The following SLC24A3 variants were observed in gnomAD, a reference collection of about 807,000 sequenced individuals.
SLC24A3 encodes solute carrier family 24 member 3, also known as sodium/potassium/calcium exchanger 3.
Under a neutral mutation model 75.8 loss-of-function variants are expected in SLC24A3, and 28 were observed. That is an observed-to-expected ratio of 0.37 (90% CI 0.27 to 0.51). The LOEUF (loss-of-function observed/expected upper bound fraction) is 0.51, where lower values mean the gene tolerates loss of function less well. Among genes scored for constraint, SLC24A3 ranks in the 20% least tolerant of loss-of-function variants. The pLI is 0.94. For synonymous variants in SLC24A3, 372 were observed against 334.1 expected, an observed-to-expected ratio of 1.11 and a Z score of -1.24; for missense variants, 663 against 847.8, an observed-to-expected ratio of 0.78 and a Z score of 2.71.
chr20:19,675,628 T>G (rs1480224452), intron 9 of SLC24A3, among the ~76,000 whole-genome samples: 1 of 152,212 alleles, frequency 6.6e-6, no homozygotes, highest in Non-Finnish European at 1.5e-5. Flanking sequence ...AGGGCATTCC[T>G]AGAGTAGGAC....
chr20:19,340,958 A>G (rs1335655665), intron 2 of SLC24A3, among the ~76,000 whole-genome samples: 1 of 152,186 alleles, frequency 6.6e-6, no homozygotes, highest in Non-Finnish European at 1.5e-5. Flanking sequence ...GGAGGCAGTG[A>G]CTTGTACACA....
In SLC24A3 at chr20:19,439,599, C is replaced by T. The variant is rs77804917; in HGVS notation, c.272-75889C>T. ...CCACCAAAATGATTACTAATAATAG[C>T]CTGATTCACCAAAAACAAACCAAAA... On this transcript the variant is annotated intron_variant, in intron 2 of 16. Coordinates refer to ENST00000328041, the MANE Select transcript of SLC24A3 (RefSeq NM_020689.4). Among the ~76,000 whole-genome samples the T allele has an allele frequency of 5.8e-3, 887 of 152,258 alleles. 7 individuals carry two copies. Among genetic ancestry groups the T allele is most frequent in the African/African-American group, 0.02 (847 of 41,524 alleles).
intron 2 of SLC24A3, among the ~76,000 whole-genome samples, chr20:19,451,637 G>A (rs181660312): frequency 1.3e-5 from 2 of 152,346 alleles, no homozygotes; most frequent in Non-Finnish European, 1.5e-5. Flanking sequence ...TTTGAATGTT[G>A]GCTGCAAAGG....
intron 2 of SLC24A3, among the ~76,000 whole-genome samples, chr20:19,292,588 C>T (rs778113343): frequency 2.6e-5 from 4 of 152,012 alleles, no homozygotes; most frequent in South Asian, 2.1e-4. Flanking sequence ...AGAAAAATCA[C>T]GGATGATGGG....
chr20:19,356,280 C>T (rs537727777), intron 2 of SLC24A3, among the ~76,000 whole-genome samples: 6 of 152,344 alleles, frequency 3.9e-5, no homozygotes, highest in Admixed American at 3.3e-4. Flanking sequence ...TCACTGCACA[C>T]AGTTTCAATC....
At chr20:19,382,009 G>A (rs1291824425) in intron 2 of SLC24A3, among the ~76,000 whole-genome samples, 3 of 152,198 alleles carry the variant, frequency 2.0e-5, no homozygotes, top group Admixed American at 2.0e-4. Flanking sequence ...TGAAATGTCT[G>A]CTCTGAATTC....
chr20:19,668,336 A>G (rs867823330), intron 8 of SLC24A3, among the ~76,000 whole-genome samples: 1 of 152,192 alleles, frequency 6.6e-6, no homozygotes, highest in Non-Finnish European at 1.5e-5. Flanking sequence ...TACCAAGCCA[A>G]TCATGACCAT....
intron 6 of SLC24A3, among the ~76,000 whole-genome samples, chr20:19,606,012 A>G (rs2031592280): frequency 6.6e-6 from 1 of 152,208 alleles, no homozygotes; most frequent in African/African-American, 2.4e-5. Context: ...CTTTGGTCTC[A>G]TGATATCCCC....
At chr20:19,419,745 C>T (rs1986885234) in intron 2 of SLC24A3, among the ~76,000 whole-genome samples, 1 of 151,774 alleles carries the variant, frequency 6.6e-6, no homozygotes, top group Admixed American at 6.6e-5. Flanking sequence ...CCTTTCACTT[C>T]TGAGGGCTTT....
At position 19,685,315 on chromosome 20, in the gene SLC24A3, G is replaced by A; in HGVS notation, c.1278G>A (p.Glu426=). ...ATGAGAATGATGAGGAGGAAGAGGA[G>A]GACGAGGATGATGATGAAGGACCGT... is the stretch of plus-strand genomic sequence containing the variant. ...EDNENDEEEE[E]DEDDDEGPYT... is the part of the protein sequence containing the mutation. Residue 426 remains glutamate, a synonymous_variant, in exon 12 of 17, where the codon GAG becomes GAA. Transcript: ENST00000328041. 6 of 1,614,142 alleles carry A rather than the reference G, an allele frequency of 3.7e-6. 1 individual carries two copies. The highest frequency in any genetic ancestry group is 5.1e-6 in the Non-Finnish European group (6 of 1,180,016).
chr20:19,293,275 A>G (rs571855161), intron 2 of SLC24A3, among the ~76,000 whole-genome samples: 64 of 152,112 alleles, frequency 4.2e-4, no homozygotes, highest in African/African-American at 1.5e-3. Context: ...GCACCTCCCC[A>G]CTCTCAGCCA....
chr20:19,662,672 T>C (rs967601919), intron 7 of SLC24A3, among the ~76,000 whole-genome samples: 2 of 152,238 alleles, frequency 1.3e-5, no homozygotes, highest in Admixed American at 6.5e-5. Flanking sequence ...GTAATACTTA[T>C]CTAAGGGATG....
intron 6 of SLC24A3, among the ~76,000 whole-genome samples, chr20:19,591,169 C>G (rs2031371048): frequency 2.6e-5 from 4 of 152,192 alleles, no homozygotes; most frequent in African/African-American, 9.6e-5. Context: ...TTTTCATTGC[C>G]TCTACAACTT....
intron 7 of SLC24A3, among the ~76,000 whole-genome samples, chr20:19,659,272 AC>A (rs1344296763): frequency 1.3e-5 from 2 of 152,214 alleles, no homozygotes; most frequent in Non-Finnish European, 2.9e-5. Context: ...CTTTACACCA[AC>A]ACGTCTCCTT....
At chr20:19,253,364 T>C (rs760884507) in intron 1 of SLC24A3, among the ~76,000 whole-genome samples, 6 of 152,242 alleles carry the variant, frequency 3.9e-5, no homozygotes, top group Non-Finnish European at 8.8e-5. Context: ...GATGAAGGTG[T>C]GCGCAGCACA....
chr20:19,431,983 G>A (rs1987111527), intron 2 of SLC24A3, among the ~76,000 whole-genome samples: 1 of 152,104 alleles, frequency 6.6e-6, no homozygotes, highest in Admixed American at 6.5e-5. Flanking sequence ...TAAAAATCAG[G>A]TTTAAATCTT....
At chr20:19,516,923 G>T (rs951363764) in intron 3 of SLC24A3, among the ~76,000 whole-genome samples, 2 of 152,190 alleles carry the variant, frequency 1.3e-5, no homozygotes, top group East Asian at 3.9e-4. Context: ...TGCTTTATGT[G>T]TCACTTCTGG....
At chr20:19,321,776 AAT>A (rs1208072076) in intron 2 of SLC24A3, among the ~76,000 whole-genome samples, 1 of 152,200 alleles carries the variant, frequency 6.6e-6, no homozygotes, top group African/African-American at 2.4e-5. Flanking sequence ...AATAATGTCT[AAT>A]ATATTCCTAT....
rs567014878 is a variant in SLC24A3, at chr20:19,623,508, C to T, written c.613-30554C>T. Among the ~76,000 whole-genome samples the T allele has an allele frequency of 6.7e-4, 102 of 152,234 alleles. 1 individual carries two copies. Among genetic ancestry groups the T allele is most frequent in the Admixed American group, 2.4e-3 (37 of 15,292 alleles). On this transcript the variant is annotated intron_variant, in intron 6 of 16. Coordinates refer to ENST00000328041, the MANE Select transcript of SLC24A3 (RefSeq NM_020689.4). ...CAGAATGTATTGGGGTTGGCCAGCA[C>T]AATGCCATCTAGAATTCTGCTGTCC...
Sources: gnomAD v4.1 joint callset for allele counts (sites outside exome capture counted in the v4.1 genomes callset) on GRCh38, gnomAD v4.1.1 for gene constraint, MANE v1.5 for transcripts, NCBI Gene and HGNC (gene_info 2026-07-23, HGNC 2026-07-21) for gene names.